The following DNAH1 variants were observed in gnomAD, a reference collection of about 807,000 sequenced individuals.
DNAH1 encodes the protein dynein axonemal heavy chain 1.
In DNAH1, 327 loss-of-function variants were observed where a neutral mutation model predicts 484.3. That is an observed-to-expected ratio of 0.68 (90% CI 0.62 to 0.74). The LOEUF is 0.74. Among genes scored for constraint, DNAH1 ranks in the 30% least tolerant of loss-of-function variants. The pLI is 0.00. For missense variants in DNAH1, 5,052 were observed against 5,546.8 expected, an observed-to-expected ratio of 0.91 and a Z score of 2.83; for synonymous variants, 2,192 against 2,191.9, an observed-to-expected ratio of 1.00 and a Z score of 0.00.
At chr3:52,329,976 T>A (rs975076266) in intron 6 of DNAH1, among the ~76,000 whole-genome samples, 6 of 152,180 alleles carry the variant, frequency 3.9e-5, no homozygotes, top group African/African-American at 1.4e-4. Flanking sequence ...TCCCAGCTAA[T>A]TTTTTTGTAT....
chr3:52,348,476 C>G (rs1030003102), intron 12 of DNAH1, among the ~76,000 whole-genome samples: 1 of 152,206 alleles, frequency 6.6e-6, no homozygotes, highest in Non-Finnish European at 1.5e-5. Flanking sequence ...TGCCACTGCA[C>G]ACACACCCAG....
chr3:52,357,128 TGGTTCACCTCCCG>T (rs1195525430), intron 22 of DNAH1, among the ~76,000 whole-genome samples: 1 of 149,870 alleles, frequency 6.7e-6, no homozygotes, highest in Non-Finnish European at 1.5e-5. Flanking sequence ...TTCACCTCCC[TGGTTCACCTCCCG>T]GAGGCTGAGA....
chr3:52,322,871 G>A, intron 2 of DNAH1, 96 bp downstream of exon 2: 2 of 1,100,286 alleles, frequency 1.8e-6, no homozygotes, highest in Non-Finnish European at 1.3e-6. Flanking sequence ...CAGTCCATCT[G>A]TTCATTTAGC....
Position 52,354,770 on chromosome 3 carries a change from C to G in DNAH1, c.3481-73C>G, listed in dbSNP as rs957058594. 6.7e-6 allele frequency: 10 copies of G among 1,499,640 alleles called. 1 individual carries two copies. The African/African-American group carries it at 1.4e-4, about 21-fold the overall frequency. 92.9% of individuals were successfully genotyped at this position (1,499,640 alleles called of 1,614,324 possible). A position where few individuals can be genotyped will look rare whatever the true frequency, so the allele number is the denominator to read the frequency against. On this transcript the variant is annotated intron_variant, in intron 20 of 77. Transcript: ENST00000420323. ...TGGCCAGGTACTGTCTGCTGCTTCC[C>G]TGGGCAGGGCTGGTCAGACAGCATC...
At chr3:52,359,447 C>G in intron 26 of DNAH1, 61 bp downstream of exon 26, 1 of 1,540,786 alleles carries the variant, frequency 6.5e-7, no homozygotes, top group East Asian at 2.4e-5. Context: ...CAGGAGGGCC[C>G]AGTCCCTCCG....
chr3:52,316,976 G>GA (rs1181840858), intron 1 of DNAH1, among the ~76,000 whole-genome samples: 2 of 152,136 alleles, frequency 1.3e-5, no homozygotes, highest in African/African-American at 2.4e-5. Context: ...TTCCCTTACA[G>GA]AAAAAATTGG....
chr3:52,312,742 TC>T (rs1310655177), upstream of DNAH1, among the ~76,000 whole-genome samples: 2 of 152,140 alleles, frequency 1.3e-5, no homozygotes, highest in Non-Finnish European at 2.9e-5. Flanking sequence ...AAGCTCCGCC[TC>T]CCAGGTTCAC....
Position 52,360,078 on chromosome 3 carries a change from A to G in DNAH1, c.4570A>G (p.Arg1524Gly). The change falls in exon 27 of 78, where the codon AGG (arginine) becomes GGG (glycine). Residue 1524 changes from arginine to glycine, a missense_variant and splice_region_variant. Coordinates refer to ENST00000420323, the MANE Select transcript of DNAH1 (RefSeq NM_015512.5). Reference protein sequence around the residue: ...VNDFQWISQLRYYWTNNDLYI... With the variant: ...VNDFQWISQLGYYWTNNDLYI... The stretch of plus-strand genomic sequence containing the variant: ...TGACTTCCAGTGGATCTCACAGCTG[A>G]GGTGAGGACATGGGGGGCGCCCCCA... 1.2e-6 allele frequency: 2 copies of G among 1,613,800 alleles called. No individual in the cohort carries two copies. The highest frequency in any genetic ancestry group is 1.7e-6 in the Non-Finnish European group (2 of 1,179,886).
chr3:52,382,285 C>A (rs760348578), intron 49 of DNAH1, 35 bp from the exon 50 acceptor site: 1 of 1,613,864 alleles, frequency 6.2e-7, no homozygotes, highest in African/African-American at 1.3e-5. Context: ...GGCCCCAAGT[C>A]CCTGGCATGC....
In DNAH1 at chr3:52,393,351, A is replaced by T; in HGVS notation, c.10492A>T (p.Ile3498Phe). 1 of 1,613,980 alleles carries T rather than the reference A, an allele frequency of 6.2e-7. No individual in the cohort carries two copies. Among genetic ancestry groups the T allele is most frequent in the Non-Finnish European group, 8.5e-7 (1 of 1,179,872 alleles). The change falls in exon 66 of 78, where the codon ATC becomes TTC. Residue 3498 changes from isoleucine to phenylalanine, a missense_variant. Physicochemically the swap from Ile to Phe is conservative, Grantham distance 21. This residue lies in a region of DNAH1 where 2,929 missense variants were observed against 3,409.4 expected (regional missense o/e 0.86). Transcript: ENST00000420323. ...SERADNLKKR[I>F]SNINRYLTYS... ...CTCCACAGACAACCTGAAGAAGCGC[A>T]TCTCCAACATCAACCGCTACCTGAC...
Position 52,389,581 on chromosome 3 carries a change from T to C in DNAH1, c.9616T>C (p.Trp3206Arg). 6.7e-7 allele frequency: 1 copy of C among 1,487,762 alleles called. No individual in the cohort carries two copies. Among genetic ancestry groups the C allele is most frequent in the Non-Finnish European group, 8.9e-7 (1 of 1,117,492 alleles). The allele number at this position is 1,487,762 out of a possible 1,614,324, so 92.2% of individuals were successfully genotyped here. The part of the protein sequence containing the change: ...TLGNPVKIRS[W>R]QIAGLPNDTL... ...GGGGAACCCTGTGAAGATCCGATCG[T>C]GGCAGGTGCCCACCCCAGGGGCAGG... The change falls in exon 60 of 78, where the codon TGG becomes CGG. Residue 3206 changes from tryptophan to arginine, a missense_variant. Trp to Arg is a moderately radical substitution (Grantham distance 101). Coordinates refer to ENST00000420323, the MANE Select transcript of DNAH1 (RefSeq NM_015512.5).
chr3:52,372,932 C>G lies in DNAH1; in HGVS notation c.6864C>G (p.Asn2288Lys). The G allele has an allele frequency of 6.2e-7, 1 of 1,613,710 alleles. No homozygotes were observed. The highest frequency in any genetic ancestry group is 8.5e-7 in the Non-Finnish European group (1 of 1,179,782). Reference protein sequence around the residue: ...KGVFGPPLGRNFIFFIDDLNM... With the variant: ...KGVFGPPLGRKFIFFIDDLNM... ...TGTTTGGACCACCTCTGGGGCGCAA[C>G]TTTATCTTCTTCATCGATGACCTGA... The change falls in exon 44 of 78, where the codon AAC becomes AAG. Residue 2288 changes from asparagine to lysine, a missense_variant. By Grantham distance (94) the Asn-to-Lys change is moderately conservative. Transcript: ENST00000420323.
chr3:52,318,520 C>G (rs1009814052), intron 1 of DNAH1, among the ~76,000 whole-genome samples: 6 of 152,250 alleles, frequency 3.9e-5, no homozygotes, highest in Admixed American at 1.3e-4. Context: ...CTTGCCCATC[C>G]ATTAGTTCAT....
At chr3:52,321,381 G>T (rs923737941) in intron 1 of DNAH1, among the ~76,000 whole-genome samples, 4 of 152,196 alleles carry the variant, frequency 2.6e-5, no homozygotes, top group African/African-American at 9.7e-5. Context: ...CTCCCAAAGT[G>T]CTGGGATTAT....
At position 52,356,671 on chromosome 3, in the gene DNAH1, T is replaced by A. The variant is rs1702622328; in HGVS notation, c.3751T>A (p.Phe1251Ile). The A allele has an allele frequency of 6.2e-7, 1 of 1,613,780 alleles. No homozygotes were observed. Among genetic ancestry groups the A allele is most frequent in the African/African-American group, 1.3e-5 (1 of 74,922 alleles). The change falls in exon 22 of 78, where the codon TTT (phenylalanine) becomes ATT (isoleucine). Residue 1251 changes from phenylalanine (F) to isoleucine (I), a missense_variant. By Grantham distance (21) the Phe-to-Ile change is conservative (BLOSUM62 0). Transcript: ENST00000420323. ...QRSWLYLEPI[F>I]SSEDINQQLP... ...GTCCTGGCTCTACCTGGAGCCCATCTTTAGCTCTGAGGACATCAACCAGCA... is the reference window on the plus strand; with the variant it reads ...GTCCTGGCTCTACCTGGAGCCCATCATTAGCTCTGAGGACATCAACCAGCA...
intron 77 of DNAH1, among the ~76,000 whole-genome samples, chr3:52,400,118 A>G (rs1578213794): frequency 6.6e-6 from 1 of 152,186 alleles, no homozygotes; most frequent in East Asian, 1.9e-4. Flanking sequence ...AGTGGCATCA[A>G]CTCTGCCATC....
intron 6 of DNAH1, 54 bp downstream of exon 6, chr3:52,328,068 G>A: frequency 6.3e-7 from 1 of 1,593,512 alleles, no homozygotes; most frequent in Non-Finnish European, 8.6e-7. Flanking sequence ...TAGCAGCCCT[G>A]TCACAGACTC....
At chr3:52,385,289 T>G (rs1311167546) in intron 53 of DNAH1, 48 bp from the exon 54 acceptor site, 9 of 1,526,828 alleles carry the variant, frequency 5.9e-6, no homozygotes, top group East Asian at 2.5e-5. Context: ...CCCTGTGCTC[T>G]CTCTGTCCCT....
intron 43 of DNAH1, 111 bp downstream of exon 43, chr3:52,372,498 CA>C (rs1308569044): frequency 3.9e-5 from 56 of 1,440,752 alleles, no homozygotes; most frequent in African/African-American, 1.3e-4. Context: ...AGGAACCTCC[CA>C]GGGGGAGCTG....
Sources: allele counts gnomAD v4.1 joint callset (sites outside exome capture counted in the v4.1 genomes callset), GRCh38; gene constraint gnomAD v4.1.1; regional missense constraint gnomAD v4.1.1; transcripts MANE v1.5; gene names NCBI Gene and HGNC (gene_info 2026-07-23, HGNC 2026-07-21).